Variants in SPOCK1 observed in about 807,000 individuals in gnomAD.
The protein encoded by SPOCK1 is SPARC (osteonectin), cwcv and kazal like domains proteoglycan 1.
Under a neutral mutation model 55.3 loss-of-function variants are expected in SPOCK1, and 23 were observed. The ratio of observed to expected loss-of-function variants is 0.42; its 90% CI spans 0.30 to 0.59. The LOEUF (loss-of-function observed/expected upper bound fraction) is 0.59, where lower values mean the gene tolerates loss of function less well. Among genes scored for constraint, SPOCK1 ranks in the 20% least tolerant of loss-of-function variants. The pLI is 0.22. For synonymous variants in SPOCK1, 226 were observed against 221.0 expected (o/e 1.02, Z -0.20); for missense variants, 499 against 552.5 (o/e 0.90, Z 0.97).
chr5:137,445,148 G>GCGTTTTCT (rs1484064150), intron 2 of SPOCK1, among the ~76,000 whole-genome samples: 1 of 152,140 alleles, frequency 6.6e-6, no homozygotes, highest in Non-Finnish European at 1.5e-5. Flanking sequence ...CCTAGACATT[G>GCGTTTTCT]CGTTTTCTCC....
Position 137,379,064 on chromosome 5 carries a change from C to A in SPOCK1, c.187-112009G>T, listed in dbSNP as rs543969792. On this transcript the variant is annotated intron_variant, in intron 2 of 10. Transcript: ENST00000394945. ...TCCCCTGGGAGCCCTGCAGTGCAACCCAAGCCACACTCTTCTCCAAGAGCC... is the reference window on the plus strand; with the variant it reads ...TCCCCTGGGAGCCCTGCAGTGCAACACAAGCCACACTCTTCTCCAAGAGCC... Among the ~76,000 whole-genome samples the A allele has an allele frequency of 5.3e-5, 8 of 152,178 alleles. No homozygotes were observed. In the South Asian group the frequency reaches 1.7e-3, roughly 32 times the overall value.
intron 2 of SPOCK1, among the ~76,000 whole-genome samples, chr5:137,477,144 G>A (rs745431485): frequency 2.4e-4 from 37 of 152,184 alleles, no homozygotes; most frequent in Non-Finnish European, 4.7e-4. Context: ...ATACTAGGCA[G>A]TCATGCTCAA....
At chr5:137,439,848 G>A (rs913322477) in intron 2 of SPOCK1, among the ~76,000 whole-genome samples, 7 of 152,170 alleles carry the variant, frequency 4.6e-5, no homozygotes, top group Non-Finnish European at 8.8e-5. Context: ...AAGACCTGAA[G>A]ATACCAACAC....
At position 136,977,829 on chromosome 5, in the gene SPOCK1, A is replaced by G. The variant is rs1750646991; in HGVS notation, c.*825T>C. 1 of 398,972 alleles carries G rather than the reference A, an allele frequency of 2.5e-6. No homozygotes were observed. The highest frequency in any genetic ancestry group is 2.1e-5 in the African/African-American group (1 of 48,774). 24.7% of individuals were successfully genotyped at this position (398,972 alleles called of 1,614,324 possible). A position where few individuals can be genotyped will look rare whatever the true frequency, so the allele number is the denominator to read the frequency against. On this transcript the variant is annotated 3_prime_UTR_variant, in exon 11 of 11. Transcript: ENST00000394945. The stretch of plus-strand genomic sequence containing the variant: ...CTGCAGGCTACAAGAGCCAACTGTT[A>G]GTGCAAAAAAGGACTTTAATACAAA...
chr5:137,125,118 C>T (rs1753761877), intron 4 of SPOCK1, among the ~76,000 whole-genome samples: 2 of 152,214 alleles, frequency 1.3e-5, no homozygotes, highest in Non-Finnish European at 1.5e-5. Flanking sequence ...CTTTGCAACT[C>T]GGCTGACCTA....
intron 2 of SPOCK1, among the ~76,000 whole-genome samples, chr5:137,295,144 GAATA>G (rs1404683730): frequency 6.6e-6 from 1 of 152,208 alleles, no homozygotes; most frequent in African/African-American, 2.4e-5. Context: ...CAAATACCCT[GAATA>G]AATACCTAGA....
intron 2 of SPOCK1, among the ~76,000 whole-genome samples, chr5:137,281,178 G>T (rs1410760909): frequency 6.6e-6 from 1 of 151,902 alleles, no homozygotes; most frequent in Non-Finnish European, 1.5e-5. Flanking sequence ...AGCCCTCTGG[G>T]GTAGGTATAA....
intron 8 of SPOCK1, among the ~76,000 whole-genome samples, chr5:136,986,348 T>C (rs933086936): frequency 2.6e-5 from 4 of 152,114 alleles, no homozygotes; most frequent in African/African-American, 7.2e-5. Context: ...AGGCTCTGTG[T>C]TGTAAGGAAA....
At chr5:137,344,183 C>T (rs1750503008) in intron 2 of SPOCK1, among the ~76,000 whole-genome samples, 1 of 152,242 alleles carries the variant, frequency 6.6e-6, no homozygotes, top group Admixed American at 6.5e-5. Context: ...GGCTCCCATG[C>T]ACCAGGAGTC....
intron 2 of SPOCK1, among the ~76,000 whole-genome samples, chr5:137,493,115 G>T (rs1280630208): frequency 2.6e-5 from 4 of 152,068 alleles, no homozygotes; most frequent in African/African-American, 9.7e-5. Context: ...GTATAATCTG[G>T]GTCTTATGAA....
intron 6 of SPOCK1, among the ~76,000 whole-genome samples, chr5:137,067,465 C>A (rs527873982): frequency 2.3e-4 from 35 of 152,280 alleles, no homozygotes; most frequent in Non-Finnish European, 4.3e-4. Flanking sequence ...CACACCATAG[C>A]GAATATGACC....
intron 2 of SPOCK1, among the ~76,000 whole-genome samples, chr5:137,369,445 C>T (rs561060345): frequency 2.6e-4 from 39 of 152,242 alleles, no homozygotes; most frequent in Admixed American, 1.4e-3. Flanking sequence ...CTGAGGAGAA[C>T]ATATATAAGC....
At chr5:137,406,129 C>T (rs529971696) in intron 2 of SPOCK1, among the ~76,000 whole-genome samples, 23 of 152,314 alleles carry the variant, frequency 1.5e-4, no homozygotes, top group African/African-American at 5.5e-4. Context: ...GAAGCCCAGC[C>T]TCCTACAGAG....
rs770253170 is a variant in SPOCK1 at position 137,476,273 on chromosome 5, A to T, written c.186+22100T>A. Among the ~76,000 whole-genome samples, 14 of 152,302 alleles carry T rather than the reference A, an allele frequency of 9.2e-5. No homozygotes were observed. In the East Asian group the frequency reaches 1.7e-3, roughly 19 times the overall value. ...TTTCTGGAAGAATATGTAAGAAATT[A>T]AAAAAGATGGTGACCTGTGGCAGGT... On this transcript the variant is annotated intron_variant, in intron 2 of 10. Coordinates refer to ENST00000394945, the MANE Select transcript of SPOCK1 (RefSeq NM_004598.4).
chr5:137,302,340 C>T (rs949252760), intron 2 of SPOCK1, among the ~76,000 whole-genome samples: 17 of 150,960 alleles, frequency 1.1e-4, no homozygotes, highest in Admixed American at 2.6e-4. Flanking sequence ...GAGGCCAAGG[C>T]GGGCAGATCA....
chr5:137,371,474 T>C (rs932623617), intron 2 of SPOCK1, among the ~76,000 whole-genome samples: 2 of 152,166 alleles, frequency 1.3e-5, no homozygotes, highest in African/African-American at 2.4e-5. Context: ...GCTTGGTAAA[T>C]AAATAAGCCT....
chr5:137,372,474 C>T (rs1200742197), intron 2 of SPOCK1, among the ~76,000 whole-genome samples: 1 of 152,146 alleles, frequency 6.6e-6, no homozygotes, highest in Non-Finnish European at 1.5e-5. Context: ...CTTGACAAGG[C>T]ACCATCACTA....
rs192804704 is a variant in SPOCK1 at position 137,264,773 on chromosome 5, G to A, written c.232+2237C>T. Among the ~76,000 whole-genome samples the A allele has an allele frequency of 3.2e-4, 48 of 152,238 alleles. No homozygotes were observed. The East Asian group carries it at 4.4e-3, about 14-fold the overall frequency. On this transcript the variant is annotated intron_variant, in intron 3 of 10. Transcript: ENST00000394945. ...TTATATTTCACCAAGTGGTGTCAGC[G>A]CTGACAGAGTAACCTCCCATTTTTA...
chr5:136,992,629 G>T (rs986227822), intron 6 of SPOCK1, 29 bp from the exon 7 acceptor site: 1 of 1,565,812 alleles, frequency 6.4e-7, no homozygotes, highest in Non-Finnish European at 8.7e-7. Context: ...AACAGACAAT[G>T]GGGCTGGGGG....
Sources: allele counts gnomAD v4.1 joint callset (sites outside exome capture counted in the v4.1 genomes callset), GRCh38; gene constraint gnomAD v4.1.1; transcripts MANE v1.5; gene names NCBI Gene and HGNC (gene_info 2026-07-23, HGNC 2026-07-21).